The following SRFBP1 variants were observed in gnomAD, a reference collection of about 807,000 sequenced individuals.
SRFBP1 encodes the protein serum response factor binding protein 1, also known as serum response factor-binding protein 1.
SRFBP1 carries 47 observed loss-of-function variants against 45.5 expected under a neutral mutation model. The observed-to-expected ratio is 1.03, with a 90% CI of 0.82 to 1.32. The LOEUF (loss-of-function observed/expected upper bound fraction) is 1.32, where lower values mean the gene tolerates loss of function less well. SRFBP1 is among the 40% of genes most tolerant of loss of function. The probability of loss-of-function intolerance (pLI) is 0.00; values close to 1 mark genes in which losing one functional copy is unlikely to be tolerated. For synonymous variants in SRFBP1, 203 were observed against 166.3 expected, an observed-to-expected ratio of 1.22 and a Z score of -1.70; for missense variants, 621 against 484.6, an observed-to-expected ratio of 1.28 and a Z score of -2.64.
chr5:122,062,109 T>C (rs1754180952), intron 2 of SRFBP1, among the ~76,000 whole-genome samples: 1 of 151,944 alleles, frequency 6.6e-6, no homozygotes, highest in African/African-American at 2.4e-5. Flanking sequence ...CACTTATATA[T>C]GCTAAAAAGT....
chr5:122,074,001 G>T (rs765737875), intron 2 of SRFBP1: 2 of 1,603,480 alleles, frequency 1.2e-6, no homozygotes, highest in South Asian at 1.1e-5. Context: ...GGATTTCAGG[G>T]TGCCAACATA....
chr5:122,078,589 C>A (rs1239173067), downstream of SRFBP1, among the ~76,000 whole-genome samples: 1 of 151,646 alleles, frequency 6.6e-6, no homozygotes, highest in Non-Finnish European at 1.5e-5. Context: ...AAAATATGCA[C>A]GAAGAAAAAT....
chr5:122,023,564 T>C (rs757958815), intron 7 of SRFBP1, among the ~76,000 whole-genome samples: 5 of 152,220 alleles, frequency 3.3e-5, no homozygotes, highest in Non-Finnish European at 7.3e-5. Context: ...GAAATTCTGC[T>C]GAGCAAAGAT....
At position 122,036,991 on chromosome 5, in the gene SRFBP1, C is replaced by T. The variant is rs188000238; in HGVS notation, n.311+14584C>T. On this transcript the variant is annotated intron_variant and non_coding_transcript_variant, in intron 2 of 2. Transcript: ENST00000504881. The stretch of plus-strand genomic sequence containing the variant: ...CTCACTGCAACCTCTGCCTCCCTCC[C>T]GGGTTCAAGCAATTCTCCTGCCTCA... Among the ~76,000 whole-genome samples, 809 of 151,888 alleles carry T rather than the reference C, an allele frequency of 5.3e-3. 10 individuals are homozygous for T. Among genetic ancestry groups the T allele is most frequent in the African/African-American group, 0.017 (714 of 41,422 alleles).
At chr5:121,971,180 A>C (rs1752186716) in intron 1 of SRFBP1, among the ~76,000 whole-genome samples, 1 of 152,072 alleles carries the variant, frequency 6.6e-6, no homozygotes, top group African/African-American at 2.4e-5. Flanking sequence ...ATATACTTTA[A>C]AAAATTTTAT....
At chr5:122,069,957 T>G (rs890037326) in intron 2 of SRFBP1, 7 of 883,138 alleles carry the variant, frequency 7.9e-6, no homozygotes, top group Admixed American at 3.4e-5. Context: ...AGAAAGCTGC[T>G]GTAGTAGCAG....
chr5:122,019,846 A>G lies in SRFBP1; in HGVS notation c.353-242A>G, dbSNP rs73795206. Among the ~76,000 whole-genome samples the G allele has an allele frequency of 7.6e-3, 1,164 of 152,236 alleles. 15 individuals carry two copies. The highest frequency in any genetic ancestry group is 0.027 in the African/African-American group (1,118 of 41,548). On this transcript the variant is annotated intron_variant, in intron 5 of 7. Coordinates refer to ENST00000339397, the MANE Select transcript of SRFBP1 (RefSeq NM_152546.3). ...TTACTGTTCTTCATAACTCCAAGAC[A>G]TGAAGAAAACATTTTCTTTTCATTT...
intron 2 of SRFBP1, among the ~76,000 whole-genome samples, chr5:121,974,741 T>C (rs1180372381): frequency 6.6e-6 from 1 of 151,864 alleles, no homozygotes; most frequent in African/African-American, 2.4e-5. Flanking sequence ...TTCCATGTAA[T>C]TTTTTGGAAA....
chr5:122,021,588 C>T (rs1753322437), intron 6 of SRFBP1, among the ~76,000 whole-genome samples: 2 of 151,710 alleles, frequency 1.3e-5, no homozygotes, highest in South Asian at 2.1e-4. Context: ...CTTATATTTT[C>T]CAAACTTGCC....
At chr5:122,046,183 G>A (rs1441250206) in intron 2 of SRFBP1, among the ~76,000 whole-genome samples, 3 of 151,998 alleles carry the variant, frequency 2.0e-5, no homozygotes, top group Non-Finnish European at 4.4e-5. Flanking sequence ...ATCTCCTAAT[G>A]CTATCCCTCC....
intron 2 of SRFBP1, among the ~76,000 whole-genome samples, chr5:122,047,917 G>T (rs142607894): frequency 1.3e-5 from 2 of 152,212 alleles, no homozygotes; most frequent in African/African-American, 4.8e-5. Context: ...CTTTGCTGAA[G>T]TTGCTTATCA....
intron 7 of SRFBP1, among the ~76,000 whole-genome samples, chr5:122,026,236 T>C (rs1753476988): frequency 1.3e-5 from 2 of 152,256 alleles, no homozygotes; most frequent in Non-Finnish European, 2.9e-5. Context: ...GCAACTAAAA[T>C]GTGCATTGAT....
chr5:122,040,541 G>A (rs551816788), intron 2 of SRFBP1, among the ~76,000 whole-genome samples: 1 of 152,216 alleles, frequency 6.6e-6, no homozygotes, highest in East Asian at 1.9e-4. Flanking sequence ...ATTTTTCAAC[G>A]ACTACGGTAT....
At chr5:121,966,379 G>T (rs2399731) in intron 1 of SRFBP1, among the ~76,000 whole-genome samples, 40 of 152,160 alleles carry the variant, frequency 2.6e-4, no homozygotes, top group South Asian at 2.1e-4. Flanking sequence ...GAGAATTTTT[G>T]ATTGCTTTTA....
intron 2 of SRFBP1, among the ~76,000 whole-genome samples, chr5:122,067,885 T>C (rs1418626829): frequency 2.6e-5 from 4 of 152,012 alleles, no homozygotes; most frequent in Non-Finnish European, 5.9e-5. Context: ...AAGTCACTCC[T>C]GAAACTCAGC....
intron 3 of SRFBP1, among the ~76,000 whole-genome samples, chr5:121,984,134 T>C (rs1422571421): frequency 6.6e-6 from 1 of 151,828 alleles, no homozygotes; most frequent in East Asian, 1.9e-4. Flanking sequence ...TTTCACAGCT[T>C]TCACCAACCT....
chr5:122,038,467 A>T (rs527932411), intron 2 of SRFBP1, among the ~76,000 whole-genome samples: 1 of 152,218 alleles, frequency 6.6e-6, no homozygotes, highest in African/African-American at 2.4e-5. Flanking sequence ...ATGAAATGTT[A>T]TTAGTGAGTG....
intron 3 of SRFBP1, among the ~76,000 whole-genome samples, chr5:121,991,761 T>C (rs562908293): frequency 6.6e-6 from 1 of 152,296 alleles, no homozygotes; most frequent in Non-Finnish European, 1.5e-5. Context: ...TATCCATCCA[T>C]ATTTGCTAAA....
At chr5:122,056,778 A>G (rs1754087082) in intron 2 of SRFBP1, among the ~76,000 whole-genome samples, 1 of 152,186 alleles carries the variant, frequency 6.6e-6, no homozygotes, top group African/African-American at 2.4e-5. Flanking sequence ...TATAAAAAGG[A>G]ATCAAGCACC....
Sources: gnomAD v4.1 joint callset for allele counts (sites outside exome capture counted in the v4.1 genomes callset) on GRCh38, gnomAD v4.1.1 for gene constraint, MANE v1.5 for transcripts, NCBI Gene and HGNC (gene_info 2026-07-23, HGNC 2026-07-21) for gene names.